The following TCF4 variants were observed in gnomAD, a reference collection of about 807,000 sequenced individuals.
The protein encoded by TCF4 is transcription factor 4.
Under a neutral mutation model 82.1 loss-of-function variants are expected in TCF4, and 3 were observed. The observed-to-expected ratio is 0.04, with a 90% CI of 0.02 to 0.09. The LOEUF is 0.09. TCF4 is among the 10% of genes least tolerant of loss of function. The pLI is 1.00. For missense variants in TCF4, 518 were observed against 852.7 expected, an observed-to-expected ratio of 0.61 and a Z score of 4.89; for synonymous variants, 276 against 309.6, an observed-to-expected ratio of 0.89 and a Z score of 1.14.
chr18:55,280,689 G>A (rs1246941117), intron 8 of TCF4, among the ~76,000 whole-genome samples: 2 of 152,010 alleles, frequency 1.3e-5, no homozygotes, highest in African/African-American at 4.8e-5. Context: ...TTGGCAGTGA[G>A]CCTACAGTGA....
chr18:55,590,395 G>A (rs144545805), upstream of TCF4, among the ~76,000 whole-genome samples: 7 of 152,324 alleles, frequency 4.6e-5, no homozygotes, highest in African/African-American at 1.7e-4. Flanking sequence ...AACTTTCCAA[G>A]TCCAAAAAGT....
At chr18:55,463,977 TGAGAGAGA>T (rs1555671780) in intron 4 of TCF4, 91 bp downstream of exon 4, 5 of 303,720 alleles carry the variant, frequency 1.6e-5, no homozygotes, top group Admixed American at 5.1e-5. Flanking sequence ...TGTGTGTGTG[TGAGAGAGA>T]GAGAGAGAGA....
intron 6 of TCF4, among the ~76,000 whole-genome samples, chr18:55,396,881 TA>T (rs1320773256): frequency 6.6e-6 from 1 of 152,180 alleles, no homozygotes; most frequent in African/African-American, 2.4e-5. Context: ...CTGATAGTGT[TA>T]AAATGAATGA....
intron 8 of TCF4, among the ~76,000 whole-genome samples, chr18:55,320,396 A>G (rs2075203153): frequency 6.6e-6 from 1 of 152,370 alleles, no homozygotes; most frequent in Non-Finnish European, 1.5e-5. Flanking sequence ...ACTTTTCAAA[A>G]TAAAAGTAAA....
intron 3 of TCF4, among the ~76,000 whole-genome samples, chr18:55,475,690 G>A (rs189781131): frequency 6.6e-6 from 1 of 152,174 alleles, no homozygotes; most frequent in African/African-American, 2.4e-5. Flanking sequence ...ATATCTTCAC[G>A]TCTCTGATCA....
intron 5 of TCF4, among the ~76,000 whole-genome samples, chr18:55,439,574 T>A (rs965278512): frequency 3.9e-5 from 6 of 152,210 alleles, no homozygotes; most frequent in East Asian, 1.9e-4. Context: ...CAGTAAATAC[T>A]GGCCCAATCA....
At chr18:55,533,476 C>T (rs1299462708) in intron 3 of TCF4, among the ~76,000 whole-genome samples, 1 of 152,188 alleles carries the variant, frequency 6.6e-6, no homozygotes, top group South Asian at 2.1e-4. Flanking sequence ...GGGCACACAG[C>T]TGGAACCCAT....
At chr18:55,252,848 G>A (rs917252496) in intron 15 of TCF4, among the ~76,000 whole-genome samples, 2 of 152,048 alleles carry the variant, frequency 1.3e-5, no homozygotes, top group East Asian at 3.9e-4. Flanking sequence ...AAAGCAGTAT[G>A]TTTAAACATT....
chr18:55,337,698 C>A (rs1018371840), intron 8 of TCF4, among the ~76,000 whole-genome samples: 2 of 152,070 alleles, frequency 1.3e-5, no homozygotes, highest in South Asian at 4.1e-4. Flanking sequence ...TTAAAAATAT[C>A]TTTGGGTGTC....
chr18:55,384,828 G>A (rs2092435924), intron 6 of TCF4, among the ~76,000 whole-genome samples: 1 of 152,058 alleles, frequency 6.6e-6, no homozygotes, highest in South Asian at 2.1e-4. Context: ...CAGTGGATGG[G>A]GATGGAATGA....
chr18:55,446,842 T>A (rs1213528034), intron 5 of TCF4, among the ~76,000 whole-genome samples: 1 of 151,622 alleles, frequency 6.6e-6, no homozygotes. Context: ...AAAAATTAGC[T>A]GGGCGTGGTG....
intron 12 of TCF4, 29 bp downstream of exon 12, chr18:55,261,437 T>C (rs1301915710): frequency 4.3e-6 from 7 of 1,612,164 alleles, no homozygotes; most frequent in African/African-American, 4.0e-5. Flanking sequence ...CAATGGTACA[T>C]ATGGAGTCCA....
chr18:55,609,133 C>T (rs1277762612), intron 2 of TCF4, among the ~76,000 whole-genome samples: 1 of 152,166 alleles, frequency 6.6e-6, no homozygotes, highest in Non-Finnish European at 1.5e-5. Context: ...ATACCTTACT[C>T]TTGGACTTCC....
chr18:55,422,443 G>A (rs2094807190), intron 5 of TCF4: 1 of 983,926 alleles, frequency 1.0e-6, no homozygotes, highest in Non-Finnish European at 1.2e-6. Flanking sequence ...TAAAAAAAAA[G>A]TTTGCCAGAA....
chr18:55,328,365 A>G (rs2076935746), intron 8 of TCF4, among the ~76,000 whole-genome samples: 1 of 151,548 alleles, frequency 6.6e-6, no homozygotes, highest in South Asian at 2.1e-4. Context: ...TTCCCTTGGG[A>G]TAAGTGGAAT....
intron 3 of TCF4, among the ~76,000 whole-genome samples, chr18:55,577,407 T>C (rs1398341267): frequency 6.6e-6 from 1 of 151,630 alleles, no homozygotes; most frequent in Non-Finnish European, 1.5e-5. Flanking sequence ...ACTGAAGCTA[T>C]GCTACCAGTC....
chr18:55,581,815 T>C (rs750215048), intron 3 of TCF4, among the ~76,000 whole-genome samples: 4 of 152,108 alleles, frequency 2.6e-5, no homozygotes, highest in Admixed American at 6.6e-5. Context: ...ACAACAGAGA[T>C]GTGGTGTGTT....
At chr18:55,306,198 G>A (rs1422492595) in intron 8 of TCF4, among the ~76,000 whole-genome samples, 2 of 152,126 alleles carry the variant, frequency 1.3e-5, no homozygotes, top group African/African-American at 4.8e-5. Context: ...GGTGTTGACT[G>A]TTTTCTGACT....
At chr18:55,589,545 CCAACAACTTTTTCT>C (rs2097679490), upstream of TCF4, 1 of 1,047,188 alleles carries the variant, frequency 9.5e-7, no homozygotes, top group Non-Finnish European at 1.2e-6. Flanking sequence ...AAAAAAAAAT[CCAACAACTTTTTCT>C]TATTGTTTAT....
Sources: allele counts gnomAD v4.1 joint callset (sites outside exome capture counted in the v4.1 genomes callset), GRCh38; gene constraint gnomAD v4.1.1; transcripts MANE v1.5; gene names NCBI Gene and HGNC (gene_info 2026-07-23, HGNC 2026-07-21).